NT5E: variants seen among roughly 807,000 people sequenced by gnomAD.
NT5E encodes 5'-nucleotidase.
NT5E carries 53 observed loss-of-function variants against 55.1 expected under a neutral mutation model. The observed-to-expected ratio is 0.96, with a 90% CI of 0.77 to 1.21. NT5E has a LOEUF of 1.21. Among genes scored for constraint, NT5E ranks in the 50% most tolerant of loss-of-function variants. The probability of loss-of-function intolerance (pLI) is 0.00; values close to 1 mark genes in which losing one functional copy is unlikely to be tolerated. For missense variants in NT5E, 683 were observed against 724.3 expected (o/e 0.94, Z 0.65); for synonymous variants, 270 against 278.4 (o/e 0.97, Z 0.30).
chr6:85,451,597 A>T (rs1236702547), intron 1 of NT5E, among the ~76,000 whole-genome samples: 1 of 152,174 alleles, frequency 6.6e-6, no homozygotes, highest in Non-Finnish European at 1.5e-5. Flanking sequence ...AACTTGGGAG[A>T]AGAAAAAAGA....
At chr6:85,458,733 C>G (rs529015202) in intron 1 of NT5E, among the ~76,000 whole-genome samples, 1 of 152,190 alleles carries the variant, frequency 6.6e-6, no homozygotes, top group Non-Finnish European at 1.5e-5. Flanking sequence ...TATAGTTGAA[C>G]CTTCCTGGAC....
intron 6 of NT5E, 32 bp downstream of exon 6, chr6:85,489,631 C>T (rs1172174857): frequency 1.4e-6 from 2 of 1,453,232 alleles, no homozygotes; most frequent in East Asian, 2.3e-5. Flanking sequence ...CTCAGTGTGT[C>T]ATGTTCTCTC....
At position 85,450,938 on chromosome 6, in the gene NT5E, G is replaced by A. The variant is rs1041785102; in HGVS notation, c.339+460G>A. On this transcript the variant is annotated intron_variant, in intron 1 of 8. Transcript: ENST00000257770. This position sits in a 1 kb window ranked among gnomAD's most constrained non-coding sequence, Gnocchi z 4.0. The stretch of plus-strand genomic sequence containing the variant: ...GAATAAATTAACAGGCACCATCCCC[G>A]CAAAAAGGGAGACGTGATAAGAATG... Among the ~76,000 whole-genome samples, 5 of 152,110 alleles carry A rather than the reference G, an allele frequency of 3.3e-5. No homozygotes were observed. The highest frequency in any genetic ancestry group is 2.1e-4 in the South Asian group (1 of 4,816).
intron 3 of NT5E, among the ~76,000 whole-genome samples, chr6:85,481,450 T>C (rs1490719531): frequency 2.0e-5 from 3 of 152,228 alleles, no homozygotes; most frequent in Admixed American, 6.5e-5. Flanking sequence ...ATAATCACTG[T>C]TAATCTTTAT....
intron 7 of NT5E, 121 bp downstream of exon 7, chr6:85,490,778 C>A: frequency 9.6e-7 from 1 of 1,039,598 alleles, no homozygotes; most frequent in Non-Finnish European, 1.5e-6. Flanking sequence ...TTTCCCGACC[C>A]AACACCAATA....
In NT5E at chr6:85,461,231, A is replaced by G. The variant is rs200773226; in HGVS notation, c.340-5829A>G. 5.3e-5 allele frequency among the ~76,000 whole-genome samples: 8 copies of G among 152,248 alleles called. No individual in the cohort carries two copies. In the East Asian group the frequency reaches 1.5e-3, roughly 29 times the overall value. On this transcript the variant is annotated intron_variant, in intron 1 of 8. Transcript: ENST00000257770. ...TTTTGGTCCTTCAGCCCCTTATCCC[A>G]TTGCCCCTGGCAGCCCCATCCATGT... is the stretch of plus-strand genomic sequence containing the variant.
chr6:85,484,242 G>C (rs1769605164), intron 3 of NT5E, among the ~76,000 whole-genome samples: 1 of 152,206 alleles, frequency 6.6e-6, no homozygotes, highest in Non-Finnish European at 1.5e-5. Flanking sequence ...AAATGAATCT[G>C]TCCCATAGTC....
intron 3 of NT5E, among the ~76,000 whole-genome samples, chr6:85,482,190 T>C (rs1769562991): frequency 6.6e-6 from 1 of 152,196 alleles, no homozygotes; most frequent in African/African-American, 2.4e-5. Context: ...CATTCTATAC[T>C]TCAGTCCATT....
Position 85,467,197 on chromosome 6 carries a change from G to A in NT5E, c.477G>A (p.Leu159=). 2 of 1,614,104 alleles carry A rather than the reference G, an allele frequency of 1.2e-6. No individual in the cohort carries two copies. The highest frequency in any genetic ancestry group is 1.3e-5 in the African/African-American group (1 of 75,010). Residue 159 remains leucine (L), a synonymous_variant, in exon 2 of 9, where the codon TTG becomes TTA. Coordinates refer to ENST00000257770, the MANE Select transcript of NT5E (RefSeq NM_002526.4). ...PLASQISGLY[L]PYKVLPVGDE... Reference sequence around the variant, plus strand: ...CATCTCAAATATCAGGACTTTATTTGCCATATAAAGTTCTTCCTGTTGGTG... The same window carrying A: ...CATCTCAAATATCAGGACTTTATTTACCATATAAAGTTCTTCCTGTTGGTG...
At chr6:85,468,495 T>C (rs1402446213) in intron 2 of NT5E, among the ~76,000 whole-genome samples, 4 of 152,178 alleles carry the variant, frequency 2.6e-5, no homozygotes, top group Non-Finnish European at 4.4e-5. Flanking sequence ...GCAGGCTCCA[T>C]GAGGACAGAA....
At position 85,450,166 on chromosome 6, in the gene NT5E, C is replaced by T. The variant is rs1421054231; in HGVS notation, c.27C>T (p.Pro9=). Residue 9 remains proline (P), a synonymous_variant, in exon 1 of 9, where the codon CCC becomes CCT. Coordinates refer to ENST00000257770, the MANE Select transcript of NT5E (RefSeq NM_002526.4). This position sits in a 1 kb window ranked among gnomAD's most constrained non-coding sequence, Gnocchi z 4.0. Reference sequence around the variant, plus strand: ...TGTGTCCCCGAGCCGCGCGGGCGCCCGCGACGCTACTCCTCGCCCTGGGCG... The same window carrying T: ...TGTGTCCCCGAGCCGCGCGGGCGCCTGCGACGCTACTCCTCGCCCTGGGCG... MCPRAARA[P]ATLLLALGAV... The T allele has an allele frequency of 8.8e-6, 14 of 1,596,178 alleles. No homozygotes were observed. The highest frequency in any genetic ancestry group is 1.2e-5 in the Non-Finnish European group (14 of 1,173,320).
Position 85,493,874 on chromosome 6 carries a change from T to A in NT5E, c.1595T>A (p.Ile532Asn), listed in dbSNP as rs775900962. The A allele has an allele frequency of 6.2e-7, 1 of 1,614,028 alleles. No homozygotes were observed. The highest frequency in any genetic ancestry group is 1.1e-5 in the South Asian group (1 of 91,072). ...DQDINVVSTY[I>N]SKMKVIYPAV... is the part of the protein sequence containing the mutation. The stretch of plus-strand genomic sequence containing the variant: ...GATATCAACGTGGTTTCTACATATA[T>A]CTCCAAAATGAAAGTAATTTATCCA... The change falls in exon 9 of 9, where the codon ATC (isoleucine) becomes AAC (asparagine). Residue 532 changes from isoleucine (I) to asparagine (N), a missense_variant. Coordinates refer to ENST00000257770, the MANE Select transcript of NT5E (RefSeq NM_002526.4).
intron 3 of NT5E, among the ~76,000 whole-genome samples, chr6:85,474,872 T>A (rs1374488450): frequency 6.6e-6 from 1 of 152,170 alleles, no homozygotes; most frequent in Non-Finnish European, 1.5e-5. Flanking sequence ...AGGTTGAGGA[T>A]GCAGTGAGCT....
chr6:85,471,686 A>G (rs1769311666), intron 3 of NT5E: 1 of 171,354 alleles, frequency 5.8e-6, no homozygotes, highest in South Asian at 1.9e-4. Context: ...TAAAATATGT[A>G]TAAAACATAT....
chr6:85,488,576 A>T (rs76237976), intron 5 of NT5E, among the ~76,000 whole-genome samples: 3,213 of 149,556 alleles, frequency 0.021, 53 homozygotes, highest in Non-Finnish European at 0.031. Flanking sequence ...TATTTATTTA[A>T]TTAATTAATT....
intron 3 of NT5E, among the ~76,000 whole-genome samples, chr6:85,471,848 A>T (rs957488568): frequency 3.0e-4 from 46 of 152,288 alleles, no homozygotes; most frequent in African/African-American, 1.0e-3. Context: ...GGTGGATTTG[A>T]TTTGTAGGTT....
At chr6:85,475,090 T>A (rs773213793) in intron 3 of NT5E, among the ~76,000 whole-genome samples, 1 of 152,232 alleles carries the variant, frequency 6.6e-6, no homozygotes, top group Non-Finnish European at 1.5e-5. Flanking sequence ...ATGAATCTGA[T>A]AAATATGATT....
chr6:85,467,269 T>C lies in NT5E; in HGVS notation c.549T>C (p.Phe183=). 6.2e-7 allele frequency: 1 copy of C among 1,613,928 alleles called. No homozygotes were observed. Among genetic ancestry groups the C allele is most frequent in the East Asian group, 2.2e-5 (1 of 44,878 alleles). ...GATACACTTCCAAAGAAACCCCTTT[T>C]CTCTCAAATCCAGGTATTTTCTACT... is the stretch of plus-strand genomic sequence containing the variant. ...IVGYTSKETP[F]LSNPGTNLVF... is the part of the protein sequence containing the mutation. The change falls in exon 2 of 9, where the codon TTT becomes TTC. Residue 183 remains phenylalanine, a synonymous_variant. Coordinates refer to ENST00000257770, the MANE Select transcript of NT5E (RefSeq NM_002526.4).
rs1284444208 is a variant in NT5E, at chr6:85,467,283, G to T, written c.562+1G>T. ...GAAACCCCTTTTCTCTCAAATCCAG[G>T]TATTTTCTACTTTTATAGCACTCAA... On this transcript the variant is annotated splice_donor_variant, in intron 2 of 8. Transcript: ENST00000257770. LOFTEE classifies it high-confidence loss of function. 7 of 1,613,038 alleles carry T rather than the reference G, an allele frequency of 4.3e-6. No homozygotes were observed. In the Admixed American group the frequency reaches 6.7e-5, roughly 15 times the overall value.
Sources: allele counts gnomAD v4.1 joint callset (sites outside exome capture counted in the v4.1 genomes callset), GRCh38; gene constraint gnomAD v4.1.1; non-coding constraint Gnocchi (gnomAD v3.1); transcripts MANE v1.5; gene names NCBI Gene and HGNC (gene_info 2026-07-23, HGNC 2026-07-21).